C9orf85: variants seen among roughly 807,000 people sequenced by gnomAD.
The protein encoded by C9orf85 is chromosome 9 open reading frame 85.
In C9orf85, 16 loss-of-function variants were observed where a neutral mutation model predicts 14.9. The observed-to-expected ratio is 1.08, with a 90% CI of 0.73 to 1.63. C9orf85 has a LOEUF of 1.63. Among genes scored for constraint, C9orf85 ranks in the 40% most tolerant of loss-of-function variants. The pLI, the probability that C9orf85 is intolerant of heterozygous loss-of-function variation, is 0.00. For missense variants in C9orf85, 172 were observed against 186.1 expected, an observed-to-expected ratio of 0.92 and a Z score of 0.44; for synonymous variants, 45 against 56.8, an observed-to-expected ratio of 0.79 and a Z score of 0.93.
At chr9:71,977,352 G>A (rs1157765365), downstream of C9orf85, among the ~76,000 whole-genome samples, 1 of 151,004 alleles carries the variant, frequency 6.6e-6, no homozygotes, top group African/African-American at 2.5e-5. Context: ...CTATTTTATA[G>A]CACTTACGTG....
At chr9:71,977,661 C>T (rs1002219258), downstream of C9orf85, among the ~76,000 whole-genome samples, 1 of 152,180 alleles carries the variant, frequency 6.6e-6, no homozygotes, top group Non-Finnish European at 1.5e-5. Flanking sequence ...ATCTTTGTCC[C>T]TTCCTTTTAC....
In C9orf85 at chr9:71,933,844, G is replaced by A. The variant is rs142870854; in HGVS notation, c.103-13162G>A. On this transcript the variant is annotated intron_variant, in intron 1 of 3. Transcript: ENST00000334731. ...TTTTGAAGAGCCTTCAGAAGGTCAT[G>A]CCCATAAGCCAGAGCTAACTTTTTT... 1.9e-3 allele frequency among the ~76,000 whole-genome samples: 293 copies of A among 152,182 alleles called. 1 individual carries two copies. The highest frequency in any genetic ancestry group is 6.8e-3 in the African/African-American group (282 of 41,520).
intron 1 of C9orf85, among the ~76,000 whole-genome samples, chr9:71,941,608 C>A (rs1177054541): frequency 6.6e-6 from 1 of 151,966 alleles, no homozygotes; most frequent in African/African-American, 2.4e-5. Context: ...TTGTTACTTT[C>A]AAAAAATATT....
intron 1 of C9orf85, among the ~76,000 whole-genome samples, chr9:71,922,877 C>T (rs1356269683): frequency 6.6e-6 from 1 of 152,226 alleles, no homozygotes; most frequent in Non-Finnish European, 1.5e-5. Context: ...CGCCTGTAAT[C>T]CCAGCACTTT....
intron 2 of C9orf85, among the ~76,000 whole-genome samples, chr9:71,958,931 C>T (rs1822444271): frequency 6.6e-6 from 1 of 152,132 alleles, no homozygotes; most frequent in Non-Finnish European, 1.5e-5. Context: ...GATCTTCATT[C>T]TGAAGGCTCC....
intron 2 of C9orf85, among the ~76,000 whole-genome samples, chr9:71,958,114 G>C (rs1822424033): frequency 6.6e-6 from 1 of 151,652 alleles, no homozygotes; most frequent in South Asian, 2.1e-4. Context: ...ATTCTTCAGA[G>C]AATGTTCAGG....
In C9orf85 at chr9:71,972,894, A is replaced by G. The variant is rs369727606; in HGVS notation, c.*52A>G. 28 of 1,493,156 alleles carry G rather than the reference A, an allele frequency of 1.9e-5. No homozygotes were observed. Among genetic ancestry groups the G allele is most frequent in the African/African-American group, 1.4e-5 (1 of 70,536 alleles). 92.5% of individuals were successfully genotyped at this position (1,493,156 alleles called of 1,614,324 possible). Reference sequence around the variant, plus strand: ...CACAGTGGCTCACGCCTGTAATCCCAACACTTTGGGAGGCCAAGGAGGGTG... The same window carrying G: ...CACAGTGGCTCACGCCTGTAATCCCGACACTTTGGGAGGCCAAGGAGGGTG... On this transcript the variant is annotated 3_prime_UTR_variant, in exon 4 of 4. Transcript: ENST00000334731.
intron 1 of C9orf85, among the ~76,000 whole-genome samples, chr9:71,921,249 TAGG>T (rs112590487): frequency 4.6e-5 from 7 of 152,352 alleles, no homozygotes; most frequent in African/African-American, 1.7e-4. Flanking sequence ...TCCTTCCCCT[TAGG>T]AGAGTCTGAC....
chr9:71,923,467 C>A (rs1827861796), intron 1 of C9orf85, among the ~76,000 whole-genome samples: 1 of 152,114 alleles, frequency 6.6e-6, no homozygotes, highest in East Asian at 1.9e-4. Context: ...GGGTTTTCTC[C>A]ATGTTGGTCA....
chr9:71,938,833 G>T (rs908004256), intron 1 of C9orf85, among the ~76,000 whole-genome samples: 1 of 151,478 alleles, frequency 6.6e-6, no homozygotes, highest in Non-Finnish European at 1.5e-5. Context: ...TCAGAAATTG[G>T]AAACATTTAA....
At chr9:71,976,618 C>T (rs530634628), downstream of C9orf85, among the ~76,000 whole-genome samples, 16 of 150,698 alleles carry the variant, frequency 1.1e-4, no homozygotes, top group Non-Finnish European at 2.2e-4. Flanking sequence ...GCCGAGATCG[C>T]GCCACTGCAC....
intron 1 of C9orf85, among the ~76,000 whole-genome samples, chr9:71,933,319 T>A (rs1278438894): frequency 6.6e-6 from 1 of 152,170 alleles, no homozygotes; most frequent in Non-Finnish European, 1.5e-5. Flanking sequence ...TACATTATAA[T>A]CAAACTGTTG....
rs532450473 is a variant in C9orf85, at chr9:71,954,941, A to G, written c.209+7829A>G. Among the ~76,000 whole-genome samples the G allele has an allele frequency of 1.7e-4, 26 of 152,306 alleles. No individual in the cohort carries two copies. The South Asian group carries it at 2.7e-3, about 16-fold the overall frequency. On this transcript the variant is annotated intron_variant, in intron 2 of 3. Transcript: ENST00000334731. The stretch of plus-strand genomic sequence containing the variant: ...ACCGTGTGCTTGCTCCCTCTTTGCT[A>G]CAAAGCTTTCTTGTAACTAAATTAG...
intron 1 of C9orf85, among the ~76,000 whole-genome samples, chr9:71,920,985 C>T (rs1329875965): frequency 6.6e-6 from 1 of 152,088 alleles, no homozygotes; most frequent in Non-Finnish European, 1.5e-5. Flanking sequence ...CCTCATCATA[C>T]CCTTCTCCAT....
intron 1 of C9orf85, among the ~76,000 whole-genome samples, chr9:71,945,057 T>C (rs1459372284): frequency 6.6e-6 from 1 of 152,168 alleles, no homozygotes; most frequent in East Asian, 1.9e-4. Flanking sequence ...TGCTTCCTAG[T>C]TAACAAGCAG....
At chr9:71,946,155 T>G (rs185320867) in intron 1 of C9orf85, among the ~76,000 whole-genome samples, 5 of 152,336 alleles carry the variant, frequency 3.3e-5, no homozygotes, top group Admixed American at 3.3e-4. Context: ...GGGGGAACTT[T>G]TCTAAAACTT....
chr9:71,938,056 G>C (rs185097812), intron 1 of C9orf85, among the ~76,000 whole-genome samples: 29 of 152,120 alleles, frequency 1.9e-4, no homozygotes, highest in Admixed American at 3.3e-4. Flanking sequence ...AGCTCATTTT[G>C]TGAAATAATA....
intron 2 of C9orf85, among the ~76,000 whole-genome samples, chr9:71,964,565 G>C (rs1015853085): frequency 1.3e-5 from 2 of 151,804 alleles, no homozygotes; most frequent in African/African-American, 4.8e-5. Context: ...CCTCACTCTT[G>C]AGCCAGCGAG....
intron 1 of C9orf85, among the ~76,000 whole-genome samples, chr9:71,915,400 C>T (rs979392617): frequency 3.3e-5 from 5 of 151,964 alleles, no homozygotes; most frequent in Non-Finnish European, 7.4e-5. Flanking sequence ...AGGTTGGTCA[C>T]TCCTGACCTC....
Sources: gnomAD v4.1 joint callset for allele counts (sites outside exome capture counted in the v4.1 genomes callset) on GRCh38, gnomAD v4.1.1 for gene constraint, MANE v1.5 for transcripts, NCBI Gene and HGNC (gene_info 2026-07-23, HGNC 2026-07-21) for gene names.